Variants in PPP2R2B observed in about 807,000 individuals in gnomAD.
PPP2R2B encodes protein phosphatase 2 regulatory subunit Bbeta, also known as serine/threonine-protein phosphatase 2A 55 kDa regulatory subunit B beta isoform.
In PPP2R2B, 5 loss-of-function variants were observed where a neutral mutation model predicts 46.0. The ratio of observed to expected loss-of-function variants is 0.11; its 90% CI spans 0.06 to 0.23. The LOEUF (loss-of-function observed/expected upper bound fraction) is 0.23. Among genes scored for constraint, PPP2R2B ranks in the 10% least tolerant of loss-of-function variants. The pLI is 1.00. For missense variants in PPP2R2B, 367 were observed against 575.0 expected, an observed-to-expected ratio of 0.64 and a Z score of 3.70; for synonymous variants, 215 against 206.7, an observed-to-expected ratio of 1.04 and a Z score of -0.34.
At chr5:146,803,417 A>G (rs1756983174) in intron 2 of PPP2R2B, among the ~76,000 whole-genome samples, 1 of 152,358 alleles carries the variant, frequency 6.6e-6, no homozygotes, top group Admixed American at 6.5e-5. Context: ...ATATTTTAAC[A>G]TAACATTAAG....
intron 2 of PPP2R2B, chr5:146,706,473 T>C: frequency 1.7e-6 from 2 of 1,153,712 alleles, no homozygotes; most frequent in Non-Finnish European, 2.5e-6. Context: ...GATCTCGATG[T>C]CCAGGGTCAG....
chr5:146,779,343 G>A (rs558272033), intron 2 of PPP2R2B, among the ~76,000 whole-genome samples: 2 of 152,222 alleles, frequency 1.3e-5, no homozygotes, highest in African/African-American at 4.8e-5. Context: ...CTCTGCTGGC[G>A]GTTGATTCTT....
At chr5:146,798,183 A>G (rs1756657182) in intron 2 of PPP2R2B, among the ~76,000 whole-genome samples, 1 of 152,062 alleles carries the variant, frequency 6.6e-6, no homozygotes, top group African/African-American at 2.4e-5. Context: ...CAGAAGGCAA[A>G]TTGGCCCTTT....
chr5:146,747,191 T>G (rs1028367021), intron 2 of PPP2R2B, among the ~76,000 whole-genome samples: 1 of 152,214 alleles, frequency 6.6e-6, no homozygotes, highest in African/African-American at 2.4e-5. Context: ...CTGCTATCGC[T>G]GAGTCAGAAA....
chr5:146,704,699 G>T (rs1218195013), intron 2 of PPP2R2B, among the ~76,000 whole-genome samples: 1 of 152,042 alleles, frequency 6.6e-6, no homozygotes, highest in African/African-American at 2.4e-5. Flanking sequence ...CCCATTTCTA[G>T]CTCAATAGGC....
At chr5:146,606,280 A>G (rs1311349582) in intron 7 of PPP2R2B, among the ~76,000 whole-genome samples, 2 of 152,188 alleles carry the variant, frequency 1.3e-5, no homozygotes, top group Admixed American at 1.3e-4. Flanking sequence ...TTAATTTCAC[A>G]GGAACTCATG....
intron 2 of PPP2R2B, among the ~76,000 whole-genome samples, chr5:146,831,893 T>G (rs554596858): frequency 5.5e-4 from 84 of 152,324 alleles, no homozygotes; most frequent in Admixed American, 2.0e-3. Context: ...TCTTATTGCC[T>G]TTGAAGGCCT....
chr5:146,653,210 G>A (rs764618369), intron 5 of PPP2R2B, among the ~76,000 whole-genome samples: 4 of 152,132 alleles, frequency 2.6e-5, no homozygotes, highest in Non-Finnish European at 4.4e-5. Flanking sequence ...GAAAGTGAAT[G>A]TTCTTTCCAC....
chr5:146,859,737 T>A (rs1345985896), intron 2 of PPP2R2B, among the ~76,000 whole-genome samples: 1 of 152,188 alleles, frequency 6.6e-6, no homozygotes, highest in African/African-American at 2.4e-5. Context: ...AAAACTACCA[T>A]GTAAATGAAC....
chr5:147,026,724 G>C (rs1233168194), intron 1 of PPP2R2B, among the ~76,000 whole-genome samples: 1 of 151,840 alleles, frequency 6.6e-6, no homozygotes, highest in Non-Finnish European at 1.5e-5. Context: ...TAGCCACCAG[G>C]GAAACAAAAA....
At chr5:146,734,635 A>T (rs546310505) in intron 2 of PPP2R2B, among the ~76,000 whole-genome samples, 2 of 152,166 alleles carry the variant, frequency 1.3e-5, no homozygotes, top group East Asian at 3.9e-4. Flanking sequence ...CCCCCTGGCC[A>T]TGCTTCTCTC....
At position 146,827,708 on chromosome 5, in the gene PPP2R2B, C is replaced by T. The variant is rs61176886; in HGVS notation, c.70+50294G>A. 1.0e-3 allele frequency among the ~76,000 whole-genome samples: 156 copies of T among 152,190 alleles called. No individual in the cohort carries two copies. The East Asian group carries it at 0.017, about 17-fold the overall frequency. ...TATATAATAAGTATTGATAAAGTAT[C>T]GACTCCATGCACAGCATTGGGTTTC... On this transcript the variant is annotated intron_variant, in intron 2 of 9. Transcript: ENST00000394411.
At chr5:146,802,766 G>A (rs1396405131) in intron 2 of PPP2R2B, among the ~76,000 whole-genome samples, 5 of 152,086 alleles carry the variant, frequency 3.3e-5, no homozygotes, top group East Asian at 3.9e-4. Flanking sequence ...TATATAGTGA[G>A]GTCTTTCCAT....
intron 2 of PPP2R2B, among the ~76,000 whole-genome samples, chr5:146,761,036 A>G (rs1754132180): frequency 6.6e-6 from 1 of 152,322 alleles, no homozygotes; most frequent in East Asian, 1.9e-4. Context: ...GAGGTTGTGG[A>G]GAAATAGGAA....
chr5:146,966,181 T>A (rs1752395721), intron 1 of PPP2R2B, among the ~76,000 whole-genome samples: 1 of 152,178 alleles, frequency 6.6e-6, no homozygotes, highest in Non-Finnish European at 1.5e-5. Context: ...GCCTGCGATA[T>A]TAGTGTTGGC....
Position 146,587,955 on chromosome 5 carries a change from G to A in PPP2R2B, c.*1992C>T, listed in dbSNP as rs1770252164. ...ACAGAGGAGCTGAGTCCGGAGAAGTGGAGAAAAGGCCATAAAGGAAGTCGG... is the reference window on the plus strand; with the variant it reads ...ACAGAGGAGCTGAGTCCGGAGAAGTAGAGAAAAGGCCATAAAGGAAGTCGG... On this transcript the variant is annotated 3_prime_UTR_variant, in exon 10 of 10. Coordinates refer to ENST00000394411, the MANE Select transcript of PPP2R2B (RefSeq NM_181675.4). The A allele has an allele frequency of 6.6e-6, 1 of 152,182 alleles. No homozygotes were observed. The highest frequency in any genetic ancestry group is 2.1e-4 in the South Asian group (1 of 4,822). The allele number at this position is 152,182 out of a possible 1,614,324, so 9.4% of individuals were successfully genotyped here. A position where few individuals can be genotyped will look rare whatever the true frequency, so the allele number is the denominator to read the frequency against.
chr5:146,922,565 C>T (rs1024880318), intron 1 of PPP2R2B: 1 of 152,244 alleles, frequency 6.6e-6, no homozygotes, highest in African/African-American at 2.4e-5. Context: ...GTCTGGTGGC[C>T]ACTGACTTCA....
intron 1 of PPP2R2B, among the ~76,000 whole-genome samples, chr5:146,941,271 T>C (rs544845277): frequency 1.3e-5 from 2 of 152,286 alleles, no homozygotes; most frequent in African/African-American, 4.8e-5. Flanking sequence ...CTAACTGCTA[T>C]GTGGTTGACC....
intron 1 of PPP2R2B, among the ~76,000 whole-genome samples, chr5:146,985,892 A>C (rs1753407669): frequency 6.6e-6 from 1 of 152,234 alleles, no homozygotes; most frequent in Non-Finnish European, 1.5e-5. Flanking sequence ...AATCACAAAA[A>C]TTGGTATCAT....
Sources: allele counts gnomAD v4.1 joint callset (sites outside exome capture counted in the v4.1 genomes callset), GRCh38; gene constraint gnomAD v4.1.1; transcripts MANE v1.5; gene names NCBI Gene and HGNC (gene_info 2026-07-23, HGNC 2026-07-21).